Variants in IP6K1 observed in about 807,000 individuals in gnomAD.
The protein encoded by IP6K1 is ATP:1D-myo-inositol-hexakisphosphate phosphotransferase.
Under a neutral mutation model 38.3 loss-of-function variants are expected in IP6K1, and 13 were observed. That is an observed-to-expected ratio of 0.34 (90% confidence interval 0.22 to 0.54). The LOEUF is 0.54. IP6K1 is among the 20% of genes least tolerant of loss of function. The pLI, the probability that IP6K1 is intolerant of heterozygous loss-of-function variation, is 0.92. For synonymous variants in IP6K1, 212 were observed against 229.9 expected (o/e 0.92, Z 0.70); for missense variants, 397 against 599.8 (o/e 0.66, Z 3.53).
intron 1 of IP6K1, among the ~76,000 whole-genome samples, chr3:49,773,071 T>C (rs546484720): frequency 6.6e-6 from 1 of 151,850 alleles, no homozygotes; most frequent in South Asian, 2.1e-4. Flanking sequence ...CTGATCCTCC[T>C]GCCTCAGCCT....
At chr3:49,760,909 C>T (rs369276821) in intron 1 of IP6K1, among the ~76,000 whole-genome samples, 1 of 152,184 alleles carries the variant, frequency 6.6e-6, no homozygotes, top group East Asian at 1.9e-4. Context: ...TTTGAGATTA[C>T]TTATCTACTT....
intron 2 of IP6K1, among the ~76,000 whole-genome samples, chr3:49,739,306 T>C (rs918352918): frequency 5.3e-5 from 8 of 152,110 alleles, no homozygotes; most frequent in African/African-American, 1.9e-4. Context: ...GATCTCCCTA[T>C]GTTTTGTCAA....
chr3:49,753,018 C>T (rs1391815658), intron 1 of IP6K1, among the ~76,000 whole-genome samples: 13 of 152,170 alleles, frequency 8.5e-5, no homozygotes, highest in Non-Finnish European at 1.3e-4. Context: ...GCCTCAGCCT[C>T]CCAAAGTGCT....
chr3:49,762,951 T>C (rs1037224761), intron 1 of IP6K1, among the ~76,000 whole-genome samples: 1 of 152,044 alleles, frequency 6.6e-6, no homozygotes, highest in African/African-American at 2.4e-5. Context: ...TGTGTATTTT[T>C]AGTAGAGACG....
chr3:49,784,310 T>C (rs917044549), intron 1 of IP6K1, among the ~76,000 whole-genome samples: 1 of 152,004 alleles, frequency 6.6e-6, no homozygotes, highest in Non-Finnish European at 1.5e-5. Flanking sequence ...TTCAAAATTA[T>C]ACATTCAGAG....
At chr3:49,728,026 A>G (rs1287669048) in intron 5 of IP6K1, 77 bp downstream of exon 5, 2 of 1,450,368 alleles carry the variant, frequency 1.4e-6, no homozygotes, top group Non-Finnish European at 1.9e-6. Context: ...CACACTTGGC[A>G]TAGATGGCAG....
chr3:49,739,798 T>G (rs1039596838), intron 2 of IP6K1, among the ~76,000 whole-genome samples: 1 of 151,942 alleles, frequency 6.6e-6, no homozygotes, highest in Non-Finnish European at 1.5e-5. Context: ...GGACCTCACC[T>G]GAGATCAGGA....
At chr3:49,740,036 T>G (rs913420769) in intron 2 of IP6K1, among the ~76,000 whole-genome samples, 1 of 151,850 alleles carries the variant, frequency 6.6e-6, no homozygotes, top group South Asian at 2.1e-4. Flanking sequence ...AATTGTGGTG[T>G]TTGGGCCAGG....
chr3:49,727,364 C>T lies in IP6K1; in HGVS notation c.1084G>A (p.Asp362Asn), dbSNP rs753653890. The T allele has an allele frequency of 1.7e-5, 27 of 1,613,970 alleles. No individual in the cohort carries two copies. Among genetic ancestry groups the T allele is most frequent in the Non-Finnish European group, 2.2e-5 (26 of 1,180,038 alleles). The change falls in exon 6 of 6, where the codon GAC becomes AAC. Residue 362 changes from aspartate to asparagine, a missense_variant. Coordinates refer to ENST00000321599, the MANE Select transcript of IP6K1 (RefSeq NM_153273.4). This position sits in a 1 kb window ranked among gnomAD's most constrained non-coding sequence, Gnocchi z 5.9. The part of the protein sequence containing the change: ...RRSEMRLKHL[D>N]MVLPEVASSC... ...GACGCCACCTCAGGGAGCACCATGT[C>T]CAGGTGCTTGAGACGCATCTCAGAC...
chr3:49,778,195 A>G (rs913455628), intron 1 of IP6K1, among the ~76,000 whole-genome samples: 1 of 151,698 alleles, frequency 6.6e-6, no homozygotes, highest in African/African-American at 2.4e-5. Flanking sequence ...GTGCTGGCAC[A>G]TGCCTGTAAA....
At chr3:49,744,211 G>A (rs2080700457) in intron 2 of IP6K1, among the ~76,000 whole-genome samples, 1 of 151,374 alleles carries the variant, frequency 6.6e-6, no homozygotes, top group African/African-American at 2.4e-5. Flanking sequence ...GACCATCCTG[G>A]CTAACATGGT....
chr3:49,772,627 T>A (rs925296176), intron 1 of IP6K1, among the ~76,000 whole-genome samples: 10 of 152,038 alleles, frequency 6.6e-5, no homozygotes, highest in Non-Finnish European at 1.2e-4. Flanking sequence ...GGTCTCAAAC[T>A]CCTGGACTCA....
chr3:49,736,594 A>C (rs971028890), intron 3 of IP6K1, among the ~76,000 whole-genome samples: 3 of 152,084 alleles, frequency 2.0e-5, no homozygotes, highest in Non-Finnish European at 2.9e-5. Flanking sequence ...TGGATATACC[A>C]TATTTTGTTT....
chr3:49,749,974 C>G (rs2080758625), intron 1 of IP6K1, among the ~76,000 whole-genome samples: 1 of 152,106 alleles, frequency 6.6e-6, no homozygotes, highest in Non-Finnish European at 1.5e-5. Context: ...GAGTATAGTG[C>G]ACACATCTAT....
At chr3:49,774,587 A>T (rs1222562819) in intron 1 of IP6K1, among the ~76,000 whole-genome samples, 1 of 152,184 alleles carries the variant, frequency 6.6e-6, no homozygotes, top group Non-Finnish European at 1.5e-5. Context: ...AAACAATGAA[A>T]TATTACAAAT....
chr3:49,752,377 A>G (rs1192880553), intron 1 of IP6K1, among the ~76,000 whole-genome samples: 2 of 151,422 alleles, frequency 1.3e-5, no homozygotes, highest in African/African-American at 4.9e-5. Flanking sequence ...AGTCCCAGCT[A>G]CTCGGGAGGC....
chr3:49,780,120 A>C lies in IP6K1; in HGVS notation c.-129+6234T>G, dbSNP rs761697559. Among the ~76,000 whole-genome samples, 55 of 152,210 alleles carry C rather than the reference A, an allele frequency of 3.6e-4. 1 individual carries two copies. Among genetic ancestry groups the C allele is most frequent in the Middle Eastern group, 3.4e-3 (1 of 294 alleles). ...TTATATAATGAGACAGGAATAAATA[A>C]GCTAAACCCACAAATAAAATTTTAC... On this transcript the variant is annotated intron_variant, in intron 1 of 5. Coordinates refer to ENST00000321599, the MANE Select transcript of IP6K1 (RefSeq NM_153273.4).
At position 49,747,749 on chromosome 3, in the gene IP6K1, AG is replaced by A. The variant is rs2080733894; in HGVS notation, c.223+68del. Reference sequence around the variant, plus strand: ...ATGATATATCATGGCAAACAAACCAAGAAAAAACTGTGGCAAGGGGTCTATA... The same window carrying A: ...ATGATATATCATGGCAAACAAACCAAAAAAAACTGTGGCAAGGGGTCTATA... On this transcript the variant is annotated intron_variant, in intron 2 of 5. Coordinates refer to ENST00000321599, the MANE Select transcript of IP6K1 (RefSeq NM_153273.4). The A allele has an allele frequency of 2.5e-6, 4 of 1,591,778 alleles. No homozygotes were observed. In the Admixed American group the frequency reaches 7.0e-5, roughly 28 times the overall value.
intron 4 of IP6K1, among the ~76,000 whole-genome samples, chr3:49,729,707 CTTA>C (rs1194221513): frequency 3.3e-5 from 5 of 150,448 alleles, no homozygotes; most frequent in African/African-American, 2.4e-5. Context: ...TGTGCCCAGC[CTTA>C]TTATTATTAT....
Sources: allele counts gnomAD v4.1 joint callset (sites outside exome capture counted in the v4.1 genomes callset), GRCh38; gene constraint gnomAD v4.1.1; non-coding constraint Gnocchi (gnomAD v3.1); transcripts MANE v1.5; gene names NCBI Gene and HGNC (gene_info 2026-07-23, HGNC 2026-07-21).